STPG2: variants seen among roughly 807,000 people sequenced by gnomAD.
The protein encoded by STPG2 is sperm-tail PG-rich repeat-containing protein 2.
STPG2 carries 56 observed loss-of-function variants against 54.2 expected under a neutral mutation model. That is an observed-to-expected ratio of 1.03 (90% CI 0.83 to 1.29). The LOEUF (loss-of-function observed/expected upper bound fraction) is 1.29, where lower values mean the gene tolerates loss of function less well. Among genes scored for constraint, STPG2 ranks in the 50% most tolerant of loss-of-function variants. STPG2 has a pLI of 0.00. For missense variants in STPG2, 596 were observed against 544.9 expected (o/e 1.09, Z -0.93); for synonymous variants, 200 against 181.8 (o/e 1.10, Z -0.81).
chr4:97,499,911 G>T (rs1412554305), intron 4 of STPG2, among the ~76,000 whole-genome samples: 2 of 151,958 alleles, frequency 1.3e-5, no homozygotes, highest in Non-Finnish European at 2.9e-5. Context: ...AATTGGGCTG[G>T]GCCTGGAGGC....
chr4:97,912,969 G>T lies in STPG2; in HGVS notation c.1044+30928C>A, dbSNP rs184096996. Among the ~76,000 whole-genome samples the T allele has an allele frequency of 3.3e-5, 5 of 152,296 alleles. No homozygotes were observed. In the East Asian group the frequency reaches 9.6e-4, roughly 29 times the overall value. On this transcript the variant is annotated intron_variant, in intron 8 of 10. Transcript: ENST00000295268. ...AGGAAAGAGATACCTTTATGATAAA[G>T]CTTAGAAGGACCTGATAGCTTCTAA...
At chr4:98,117,597 T>C (rs902271616) in intron 3 of STPG2, among the ~76,000 whole-genome samples, 3 of 152,042 alleles carry the variant, frequency 2.0e-5, no homozygotes, top group African/African-American at 7.2e-5. Context: ...TCTGAGGCTC[T>C]GAATACTCTT....
At chr4:97,817,657 C>G (rs992084082) in intron 9 of STPG2, among the ~76,000 whole-genome samples, 1 of 151,996 alleles carries the variant, frequency 6.6e-6, no homozygotes, top group Non-Finnish European at 1.5e-5. Context: ...CAGCTTCTCA[C>G]TCTCTGCAGA....
At chr4:98,021,005 T>C (rs1444208883) in intron 5 of STPG2, among the ~76,000 whole-genome samples, 1 of 152,206 alleles carries the variant, frequency 6.6e-6, no homozygotes, top group African/African-American at 2.4e-5. Flanking sequence ...GGGTTTTTTG[T>C]GTCTTTGTTT....
chr4:97,512,264 A>T (rs1211236518), intron 4 of STPG2, among the ~76,000 whole-genome samples: 3 of 152,152 alleles, frequency 2.0e-5, no homozygotes, highest in Non-Finnish European at 4.4e-5. Flanking sequence ...AAGATGACAC[A>T]TAGTAAAATT....
intron 10 of STPG2, among the ~76,000 whole-genome samples, chr4:97,631,900 A>G (rs1721294450): frequency 6.6e-6 from 1 of 152,132 alleles, no homozygotes; most frequent in African/African-American, 2.4e-5. Context: ...AATAGAAATA[A>G]GAAAAGATAG....
downstream of STPG2, among the ~76,000 whole-genome samples, chr4:97,557,179 A>C (rs1360488571): frequency 6.6e-6 from 1 of 151,386 alleles, no homozygotes; most frequent in Non-Finnish European, 1.5e-5. Context: ...GACTCCATCA[A>C]AAAAAAAACA....
chr4:97,846,463 A>G (rs569915714), intron 8 of STPG2, among the ~76,000 whole-genome samples: 1 of 151,994 alleles, frequency 6.6e-6, no homozygotes, highest in African/African-American at 2.4e-5. Context: ...CATCTCTACT[A>G]AAAATACAAA....
downstream of STPG2, among the ~76,000 whole-genome samples, chr4:97,554,116 A>T (rs1028880347): frequency 1.3e-5 from 2 of 151,914 alleles, no homozygotes; most frequent in Admixed American, 1.3e-4. Context: ...CTTTAGTTTC[A>T]TTTTTCTATC....
intron 9 of STPG2, among the ~76,000 whole-genome samples, chr4:97,716,729 A>G (rs1223553103): frequency 2.0e-5 from 3 of 151,730 alleles, no homozygotes; most frequent in African/African-American, 7.3e-5. Flanking sequence ...GGGGAGGGAT[A>G]ATAACATTAG....
At chr4:98,088,139 G>A (rs541036137) in intron 5 of STPG2, among the ~76,000 whole-genome samples, 26 of 152,298 alleles carry the variant, frequency 1.7e-4, no homozygotes, top group South Asian at 4.1e-4. Flanking sequence ...ATAATGCTAA[G>A]TTCAGGAAAC....
At chr4:97,930,797 T>C (rs969749378) in intron 8 of STPG2, among the ~76,000 whole-genome samples, 12 of 152,226 alleles carry the variant, frequency 7.9e-5, no homozygotes, top group Non-Finnish European at 1.8e-4. Flanking sequence ...ATATTGATTC[T>C]TCCTATCCAT....
intron 5 of STPG2, among the ~76,000 whole-genome samples, chr4:98,100,521 C>A (rs1215774225): frequency 1.3e-5 from 2 of 152,044 alleles, no homozygotes; most frequent in Admixed American, 1.3e-4. Context: ...CAAGGACTTA[C>A]TACCTATAAC....
intron 8 of STPG2, among the ~76,000 whole-genome samples, chr4:97,870,159 G>T (rs1729934710): frequency 6.6e-6 from 1 of 151,314 alleles, no homozygotes; most frequent in Non-Finnish European, 1.5e-5. Flanking sequence ...ATTTCTCCCA[G>T]AAAACACAAT....
chr4:97,679,458 C>CT (rs1447832213), intron 10 of STPG2, among the ~76,000 whole-genome samples: 3 of 151,974 alleles, frequency 2.0e-5, no homozygotes, highest in African/African-American at 7.3e-5. Context: ...CCTTTGCCCA[C>CT]TTTTTGATGG....
intron 4 of STPG2, among the ~76,000 whole-genome samples, chr4:97,504,213 T>C (rs1730799397): frequency 1.4e-5 from 2 of 148,142 alleles, no homozygotes; most frequent in African/African-American, 4.9e-5. Context: ...TATTTAAATA[T>C]TTTCAATAAT....
rs544259855 is a variant in STPG2, at chr4:97,540,884, A to G, written c.462+171815T>C. Among the ~76,000 whole-genome samples, 251 of 152,342 alleles carry G rather than the reference A, an allele frequency of 1.6e-3. 1 individual carries two copies. The highest frequency in any genetic ancestry group is 5.9e-3 in the African/African-American group (245 of 41,580). ...AGAGAAAAACCACATGATTATCTCA[A>G]TAGATGCAGAAAAGGCCTTTGACAG... is the stretch of plus-strand genomic sequence containing the variant. On this transcript the variant is annotated intron_variant, in intron 4 of 4. Transcript: ENST00000522676.
chr4:97,689,533 G>A (rs139199601), intron 10 of STPG2, among the ~76,000 whole-genome samples: 2,189 of 152,122 alleles, frequency 0.014, 48 homozygotes, highest in African/African-American at 0.049. Flanking sequence ...TAGGGAAGTC[G>A]ATTGACATTT....
intron 9 of STPG2, among the ~76,000 whole-genome samples, chr4:97,760,064 T>C (rs1396349849): frequency 2.0e-5 from 3 of 152,210 alleles, no homozygotes; most frequent in African/African-American, 4.8e-5. Context: ...CCACTTACCA[T>C]ATTATATTAT....
Sources: allele counts gnomAD v4.1 joint callset (sites outside exome capture counted in the v4.1 genomes callset), GRCh38; gene constraint gnomAD v4.1.1; transcripts MANE v1.5; gene names NCBI Gene and HGNC (gene_info 2026-07-23, HGNC 2026-07-21).